Variants in TMTC2 observed in about 807,000 individuals in gnomAD.
The protein encoded by TMTC2 is transmembrane O-mannosyltransferase targeting cadherins 2.
TMTC2 carries 43 observed loss-of-function variants against 82.4 expected under a neutral mutation model. The ratio of observed to expected loss-of-function variants is 0.52; its 90% CI spans 0.41 to 0.67. The LOEUF is 0.67. Ranked by LOEUF, TMTC2 falls within the 30% of genes least tolerant of loss-of-function variation. TMTC2 has a pLI of 0.00. For missense variants in TMTC2, 919 were observed against 1,012.4 expected (o/e 0.91, Z 1.25); for synonymous variants, 408 against 381.9 (o/e 1.07, Z -0.80).
At chr12:82,793,698 T>C (rs1054324103) in intron 1 of TMTC2, among the ~76,000 whole-genome samples, 2 of 152,038 alleles carry the variant, frequency 1.3e-5, no homozygotes, top group Admixed American at 1.3e-4. Context: ...AGCTATATGG[T>C]ATGGGGGTGG....
At chr12:82,899,648 TAAGA>T (rs1873871712) in intron 3 of TMTC2, among the ~76,000 whole-genome samples, 1 of 134,650 alleles carries the variant, frequency 7.4e-6, no homozygotes, top group African/African-American at 2.9e-5. Flanking sequence ...TATATATATA[TAAGA>T]ATATATATAT....
intron 3 of TMTC2, among the ~76,000 whole-genome samples, chr12:82,926,713 T>G (rs1433838186): frequency 6.6e-6 from 1 of 152,202 alleles, no homozygotes; most frequent in South Asian, 2.1e-4. Context: ...TATGGGCTAA[T>G]ACAACTGGTA....
chr12:82,778,721 C>T (rs1413657450), intron 1 of TMTC2, among the ~76,000 whole-genome samples: 13 of 150,212 alleles, frequency 8.7e-5, no homozygotes, highest in Admixed American at 6.6e-4. Flanking sequence ...TAGTGGCGGG[C>T]GCCTGTAGTC....
chr12:82,879,056 C>A (rs1010659767), intron 2 of TMTC2, among the ~76,000 whole-genome samples: 19 of 152,070 alleles, frequency 1.2e-4, no homozygotes, highest in Admixed American at 1.2e-3. Context: ...AGATGTTCTC[C>A]AATGTTCTGG....
Position 83,030,850 on chromosome 12 carries a change from C to T in TMTC2, c.2123C>T (p.Pro708Leu), listed in dbSNP as rs1881401960. ...TTCTTGAAGGCTATTGAGCTGGATC[C>T]CACCAAAGGAAACTGTTACATGCAT... is the stretch of plus-strand genomic sequence containing the variant. ...KLFLKAIELD[P>L]TKGNCYMHYG... Residue 708 changes from proline (P) to leucine (L), a missense_variant, in exon 9 of 12, where the codon CCC (proline) becomes CTC (leucine). By Grantham distance (98) the Pro-to-Leu change is moderately conservative. Transcript: ENST00000321196. The T allele has an allele frequency of 6.2e-7, 1 of 1,613,484 alleles. No individual in the cohort carries two copies.
chr12:83,096,104 T>C (rs1230307253), intron 11 of TMTC2, among the ~76,000 whole-genome samples: 2 of 152,278 alleles, frequency 1.3e-5, no homozygotes, highest in African/African-American at 4.8e-5. Flanking sequence ...ATATGCCTTC[T>C]ACATATCTGG....
chr12:82,712,760 G>A (rs1873692830), intron 1 of TMTC2, among the ~76,000 whole-genome samples: 1 of 152,148 alleles, frequency 6.6e-6, no homozygotes, highest in African/African-American at 2.4e-5. Flanking sequence ...ATGGGCTATT[G>A]ATGGTAAACT....
chr12:83,002,677 A>T (rs138382899), intron 8 of TMTC2, among the ~76,000 whole-genome samples: 430 of 152,220 alleles, frequency 2.8e-3, no homozygotes, highest in Non-Finnish European at 5.0e-3. Flanking sequence ...ATTCAGAAAC[A>T]AGTTCTTTAA....
intron 2 of TMTC2, among the ~76,000 whole-genome samples, chr12:82,870,721 A>G (rs535906669): frequency 6.6e-5 from 10 of 152,342 alleles, no homozygotes; most frequent in African/African-American, 2.4e-4. Context: ...ATATCACTTT[A>G]GCTTCTTGCT....
intron 1 of TMTC2, among the ~76,000 whole-genome samples, chr12:82,803,692 C>T (rs1879115223): frequency 6.6e-6 from 1 of 152,026 alleles, no homozygotes; most frequent in African/African-American, 2.4e-5. Flanking sequence ...ATGCTCACCT[C>T]CCAAATGTTA....
chr12:83,023,097 T>A (rs1881006836), intron 8 of TMTC2, among the ~76,000 whole-genome samples: 1 of 152,220 alleles, frequency 6.6e-6, no homozygotes, highest in African/African-American at 2.4e-5. Flanking sequence ...GCTTTTCATA[T>A]GTGTCAAATT....
intron 1 of TMTC2, among the ~76,000 whole-genome samples, chr12:82,815,442 C>G (rs1868647822): frequency 6.6e-6 from 1 of 151,742 alleles, no homozygotes; most frequent in African/African-American, 2.4e-5. Context: ...TCCTGAGTAG[C>G]TGGGACTACA....
intron 2 of TMTC2, among the ~76,000 whole-genome samples, chr12:82,871,464 T>C (rs998995531): frequency 4.6e-5 from 7 of 152,048 alleles, no homozygotes; most frequent in African/African-American, 1.7e-4. Context: ...CAAAAGCTAA[T>C]TTTATGAGTG....
At chr12:82,889,620 TCACAA>T (rs1167656545) in intron 2 of TMTC2, among the ~76,000 whole-genome samples, 4 of 142,376 alleles carry the variant, frequency 2.8e-5, no homozygotes, top group Non-Finnish European at 5.9e-5. Flanking sequence ...AAAATATTTT[TCACAA>T]AAATATTTTT....
chr12:82,819,805 C>T (rs1868980007), intron 1 of TMTC2, among the ~76,000 whole-genome samples: 2 of 151,988 alleles, frequency 1.3e-5, no homozygotes, highest in Admixed American at 6.6e-5. Flanking sequence ...CGTGCCCAGC[C>T]CCTCATAGTA....
intron 9 of TMTC2, 72 bp from the exon 10 acceptor site, chr12:83,050,832 T>G: frequency 1.0e-6 from 1 of 1,002,406 alleles, no homozygotes; most frequent in South Asian, 1.5e-5. Context: ...TGTACTTATT[T>G]TTCTTTAATA....
intron 1 of TMTC2, among the ~76,000 whole-genome samples, chr12:82,745,545 C>T (rs964027572): frequency 2.3e-4 from 35 of 152,142 alleles, no homozygotes; most frequent in African/African-American, 8.2e-4. Flanking sequence ...TTCGAAGCTC[C>T]TGTTCAGTAG....
chr12:82,937,760 A>G (rs1284554036), intron 4 of TMTC2, among the ~76,000 whole-genome samples: 258 of 17,618 alleles, frequency 0.015, 2 homozygotes, highest in East Asian at 0.043. Context: ...GTATATATAT[A>G]TATATATATA....
chr12:82,798,374 G>A (rs1878827207), intron 1 of TMTC2, among the ~76,000 whole-genome samples: 1 of 149,884 alleles, frequency 6.7e-6, no homozygotes, highest in African/African-American at 2.4e-5. Flanking sequence ...GCGGGCGCCT[G>A]TAGTCCCAGC....
Sources: gnomAD v4.1 joint callset for allele counts (sites outside exome capture counted in the v4.1 genomes callset) on GRCh38, gnomAD v4.1.1 for gene constraint, MANE v1.5 for transcripts, NCBI Gene and HGNC (gene_info 2026-07-23, HGNC 2026-07-21) for gene names.